The following ACKR5 variants were observed in gnomAD, a reference collection of about 807,000 sequenced individuals.
The protein encoded by ACKR5 is G protein-coupled receptor 182.
chr12:56,995,460 G>A, the ACKR5 span: 13 of 1,614,050 alleles, frequency 8.1e-6, no homozygotes, highest in Middle Eastern at 1.6e-4. The surrounding 1 kb of genome is among the most constrained non-coding windows in gnomAD (Gnocchi z 4.7). Context: ...GGCTCAGGCC[G>A]GGCAGGGCTG....
At chr12:56,996,357 T>C in the ACKR5 span, 1 of 1,613,430 alleles carries the variant, frequency 6.2e-7, no homozygotes, top group Non-Finnish European at 8.5e-7. Context: ...AGCCTGAGCT[T>C]TCAGGCACAC....
the ACKR5 span, chr12:56,995,811 T>C: frequency 1.2e-6 from 2 of 1,614,170 alleles, no homozygotes; most frequent in African/African-American, 1.3e-5. The surrounding 1 kb of genome is among the most constrained non-coding windows in gnomAD (Gnocchi z 4.7). Context: ...CCTGAGCCCA[T>C]GTGCCTCTTC....
At chr12:56,997,829 CTG>C in the ACKR5 span, 1 of 152,230 alleles carries the variant, frequency 6.6e-6, no homozygotes, top group Non-Finnish European at 1.5e-5. Context: ...GAAATCAGAA[CTG>C]TTCTGTGGAT....
At chr12:56,996,353 A>G in the ACKR5 span, 1 of 1,613,900 alleles carries the variant, frequency 6.2e-7, no homozygotes, top group Non-Finnish European at 8.5e-7. Context: ...GCCAAGCCTG[A>G]GCTTTCAGGC....
the ACKR5 span, chr12:56,996,289 C>T: frequency 1.2e-6 from 2 of 1,614,124 alleles, no homozygotes; most frequent in Middle Eastern, 1.6e-4. Flanking sequence ...CCCAGCATTC[C>T]ATCATCATCA....
At chr12:56,995,340 A>C in the ACKR5 span, 5 of 1,614,210 alleles carry the variant, frequency 3.1e-6, no homozygotes, top group Non-Finnish European at 4.2e-6. This position sits in a 1 kb window ranked among gnomAD's most constrained non-coding sequence, Gnocchi z 4.7. Context: ...TCTGAGTGCC[A>C]CGTGGAGCTC....
chr12:56,996,222 A>G, the ACKR5 span: 1 of 1,613,912 alleles, frequency 6.2e-7, no homozygotes, highest in Non-Finnish European at 8.5e-7. Flanking sequence ...GTAGTCCATT[A>G]CCTTCCTAAG....
chr12:56,997,285 G>A, the ACKR5 span: 5 of 152,282 alleles, frequency 3.3e-5, no homozygotes, highest in Admixed American at 2.0e-4. Flanking sequence ...TCATAGGAAA[G>A]TATCAAGGGA....
the ACKR5 span, chr12:56,995,813 T>G: frequency 6.2e-7 from 1 of 1,614,162 alleles, no homozygotes; most frequent in South Asian, 1.1e-5. The surrounding 1 kb of genome is among the most constrained non-coding windows in gnomAD (Gnocchi z 4.7). Flanking sequence ...TGAGCCCATG[T>G]GCCTCTTCAT....
chr12:56,997,202 G>T, the ACKR5 span: 2 of 152,246 alleles, frequency 1.3e-5, no homozygotes, highest in Admixed American at 6.5e-5. Context: ...TCGGATCTAG[G>T]AAACTTCCAG....
the ACKR5 span, chr12:56,995,448 G>A: frequency 6.9e-5 from 111 of 1,614,194 alleles, 1 homozygote; most frequent in South Asian, 1.0e-3. This position sits in a 1 kb window ranked among gnomAD's most constrained non-coding sequence, Gnocchi z 4.7. Context: ...GTCAACTGGC[G>A]CGGCTCAGGC....
the ACKR5 span, chr12:56,998,190 G>C: frequency 6.6e-6 from 1 of 152,180 alleles, no homozygotes; most frequent in Non-Finnish European, 1.5e-5. Context: ...TCACATTCCA[G>C]ATCACCTTAG....
At chr12:56,995,551 G>A in the ACKR5 span, 24 of 1,614,028 alleles carry the variant, frequency 1.5e-5, no homozygotes, top group East Asian at 4.5e-5. This position sits in a 1 kb window ranked among gnomAD's most constrained non-coding sequence, Gnocchi z 4.7. Context: ...TGGAGGTCAC[G>A]CTGGACTACA....
the ACKR5 span, chr12:56,995,743 G>C: frequency 1.2e-6 from 2 of 1,613,728 alleles, no homozygotes; most frequent in Non-Finnish European, 1.7e-6. The surrounding 1 kb of genome is among the most constrained non-coding windows in gnomAD (Gnocchi z 4.7). Flanking sequence ...CAGGCATCTG[G>C]GTCCTCTCGG....
chr12:56,995,562 C>T, the ACKR5 span: 1 of 1,614,112 alleles, frequency 6.2e-7, no homozygotes, highest in Non-Finnish European at 8.5e-7. The surrounding 1 kb of genome is among the most constrained non-coding windows in gnomAD (Gnocchi z 4.7). Context: ...CTGGACTACA[C>T]CTGGCTCTGG....
chr12:56,998,836 T>C, the ACKR5 span: 8 of 152,684 alleles, frequency 5.2e-5, no homozygotes, highest in African/African-American at 1.9e-4. Flanking sequence ...AGAACTCTCA[T>C]TTCAAATTTC....
chr12:56,995,625 G>T, the ACKR5 span: 20 of 1,614,112 alleles, frequency 1.2e-5, 1 homozygote, highest in Admixed American at 1.5e-4. This position sits in a 1 kb window ranked among gnomAD's most constrained non-coding sequence, Gnocchi z 4.7. Context: ...AACATGTATA[G>T]CAGCATCTTC....
the ACKR5 span, chr12:56,995,310 A>G: frequency 6.2e-7 from 1 of 1,613,774 alleles, no homozygotes; most frequent in Non-Finnish European, 8.5e-7. The surrounding 1 kb of genome is among the most constrained non-coding windows in gnomAD (Gnocchi z 4.7). Flanking sequence ...GAGCTGCTTG[A>G]CCTCTTCAAC....
At chr12:56,996,364 A>C in the ACKR5 span, 1 of 1,612,810 alleles carries the variant, frequency 6.2e-7, no homozygotes, top group Non-Finnish European at 8.5e-7. Flanking sequence ...GCTTTCAGGC[A>C]CACCATTTGC....
Sources: allele counts gnomAD v4.1 joint callset, GRCh38; gene constraint gnomAD v4.1.1; non-coding constraint Gnocchi (gnomAD v3.1); transcripts MANE v1.5; gene names NCBI Gene and HGNC (gene_info 2026-07-23, HGNC 2026-07-21).